Variants in FUT9 observed in about 807,000 individuals in gnomAD.
The protein encoded by FUT9 is fucosyltransferase 9.
Under a neutral mutation model 29.7 loss-of-function variants are expected in FUT9, and 15 were observed. That is an observed-to-expected ratio of 0.51 (90% CI 0.34 to 0.78). The LOEUF is 0.78. Among genes scored for constraint, FUT9 ranks in the 30% least tolerant of loss-of-function variants. The pLI is 0.01. For synonymous variants in FUT9, 169 were observed against 153.7 expected (o/e 1.10, Z -0.74); for missense variants, 319 against 425.4 (o/e 0.75, Z 2.20).
chr6:96,174,815 C>CT (rs34396924), intron 2 of FUT9, among the ~76,000 whole-genome samples: 23 of 152,230 alleles, frequency 1.5e-4, no homozygotes, highest in South Asian at 1.5e-3. Context: ...AACTCAAAGA[C>CT]TTTTTCAATA....
rs1413519210 is a variant in FUT9 at position 96,208,744 on chromosome 6, T to C, written c.*4509T>C. ...ATTCTATGCAAATATTAGTAACATA[T>C]CAACTGTTTCTAAAAGGAAAGAAAA... On this transcript the variant is annotated 3_prime_UTR_variant, in exon 3 of 3. Transcript: ENST00000302103. The C allele has an allele frequency of 6.0e-6, 1 of 166,804 alleles. No homozygotes were observed. Among genetic ancestry groups the C allele is most frequent in the Non-Finnish European group, 1.5e-5 (1 of 68,014 alleles). 10.3% of individuals were successfully genotyped at this position (166,804 alleles called of 1,614,324 possible). A position where few individuals can be genotyped will look rare whatever the true frequency, so the allele number is the denominator to read the frequency against.
intron 2 of FUT9, among the ~76,000 whole-genome samples, chr6:96,156,972 G>A (rs1222876564): frequency 4.6e-5 from 7 of 152,168 alleles, no homozygotes; most frequent in Non-Finnish European, 8.8e-5. Flanking sequence ...AGTTTGAAAT[G>A]TTCTTTTTCC....
intron 1 of FUT9, among the ~76,000 whole-genome samples, chr6:96,030,827 A>G (rs1219148261): frequency 6.6e-6 from 1 of 151,552 alleles, no homozygotes; most frequent in African/African-American, 2.4e-5. Flanking sequence ...CAGTGAAAAA[A>G]TACACTCAAA....
rs369997651 is a variant in FUT9 at position 96,169,016 on chromosome 6, G to T, written c.-8-34132G>T. Among the ~76,000 whole-genome samples, 105 of 152,248 alleles carry T rather than the reference G, an allele frequency of 6.9e-4. 2 individuals carry two copies. The South Asian group carries it at 0.021, about 31-fold the overall frequency. ...CAGAAGGGAGTAGAAGCATATATGT[G>T]GAATAAAAGTGGGTTGACGTTCTGT... is the stretch of plus-strand genomic sequence containing the variant. On this transcript the variant is annotated intron_variant, in intron 2 of 2. Coordinates refer to ENST00000302103, the MANE Select transcript of FUT9 (RefSeq NM_006581.4).
At chr6:96,047,644 C>T (rs182062400) in intron 1 of FUT9, among the ~76,000 whole-genome samples, 1 of 152,278 alleles carries the variant, frequency 6.6e-6, no homozygotes, top group East Asian at 1.9e-4. Context: ...CCTCACTCTC[C>T]TCCATCCTCC....
At chr6:96,068,044 C>G (rs1367121049) in intron 1 of FUT9, among the ~76,000 whole-genome samples, 1 of 152,008 alleles carries the variant, frequency 6.6e-6, no homozygotes, top group African/African-American at 2.4e-5. Flanking sequence ...TATGCATTAT[C>G]TGAATTAATG....
intron 1 of FUT9, among the ~76,000 whole-genome samples, chr6:96,110,901 G>T (rs1268008843): frequency 1.3e-5 from 2 of 151,754 alleles, no homozygotes; most frequent in African/African-American, 4.8e-5. Context: ...GCCCTTAAGA[G>T]GTCCTCCTGC....
At chr6:96,079,429 T>C (rs138172129) in intron 1 of FUT9, among the ~76,000 whole-genome samples, 3 of 152,338 alleles carry the variant, frequency 2.0e-5, no homozygotes, top group South Asian at 2.1e-4. Flanking sequence ...CCTGAAATTG[T>C]TGAAATCTTT....
chr6:96,049,746 T>C (rs1770631150), intron 1 of FUT9, among the ~76,000 whole-genome samples: 1 of 152,198 alleles, frequency 6.6e-6, no homozygotes, highest in Non-Finnish European at 1.5e-5. Context: ...ATTTCTTTTG[T>C]GTTTTGAGCA....
chr6:96,017,231 T>G (rs1364142935), intron 1 of FUT9, among the ~76,000 whole-genome samples: 1 of 152,148 alleles, frequency 6.6e-6, no homozygotes, highest in Non-Finnish European at 1.5e-5. Flanking sequence ...TTTCTTTAGG[T>G]GTAGTGGCTA....
intron 1 of FUT9, among the ~76,000 whole-genome samples, chr6:96,084,352 C>A (rs775915527): frequency 6.6e-6 from 1 of 151,976 alleles, no homozygotes; most frequent in African/African-American, 2.4e-5. Context: ...CTACAGAAAG[C>A]GCTCTAAGAA....
chr6:96,127,836 G>T (rs1483659530), intron 2 of FUT9, among the ~76,000 whole-genome samples: 1 of 152,060 alleles, frequency 6.6e-6, no homozygotes, highest in Non-Finnish European at 1.5e-5. Context: ...CTTTTGAAAA[G>T]TCTATGTTCA....
At chr6:96,122,995 G>T (rs1406342089) in intron 2 of FUT9, among the ~76,000 whole-genome samples, 1 of 130,156 alleles carries the variant, frequency 7.7e-6, no homozygotes, top group South Asian at 2.5e-4. Flanking sequence ...AGAAGGGGGA[G>T]CTTGCAGTGA....
At chr6:96,040,093 T>C (rs867133215) in intron 1 of FUT9, among the ~76,000 whole-genome samples, 1 of 152,194 alleles carries the variant, frequency 6.6e-6, no homozygotes. Flanking sequence ...TATGACATTA[T>C]ATAAAATTTT....
At chr6:96,065,863 T>C (rs149601719) in intron 1 of FUT9, among the ~76,000 whole-genome samples, 3 of 152,192 alleles carry the variant, frequency 2.0e-5, no homozygotes, top group Non-Finnish European at 2.9e-5. Context: ...AGGAATAGAT[T>C]GTTGTCGCAA....
At chr6:96,024,687 C>A (rs906560103) in intron 1 of FUT9, among the ~76,000 whole-genome samples, 1 of 151,744 alleles carries the variant, frequency 6.6e-6, no homozygotes, top group African/African-American at 2.4e-5. Context: ...TAAGTTCTCC[C>A]AGTTTCAGCA....
chr6:96,105,256 ACT>A (rs1771657018), intron 1 of FUT9, among the ~76,000 whole-genome samples: 1 of 152,204 alleles, frequency 6.6e-6, no homozygotes, highest in Admixed American at 6.5e-5. Flanking sequence ...ATTTTTAATA[ACT>A]CAGTTTATTT....
chr6:96,172,098 G>C (rs1451282262), intron 2 of FUT9, among the ~76,000 whole-genome samples: 1 of 152,080 alleles, frequency 6.6e-6, no homozygotes, highest in Non-Finnish European at 1.5e-5. Flanking sequence ...TTCTGGTGAA[G>C]GATCTCTTCT....
intron 1 of FUT9, among the ~76,000 whole-genome samples, chr6:96,065,670 G>A (rs1236917509): frequency 6.6e-6 from 1 of 151,992 alleles, no homozygotes; most frequent in Non-Finnish European, 1.5e-5. Flanking sequence ...TTCCTCCTTT[G>A]GGATATGTAT....
Sources: allele counts gnomAD v4.1 joint callset (sites outside exome capture counted in the v4.1 genomes callset), GRCh38; gene constraint gnomAD v4.1.1; transcripts MANE v1.5; gene names NCBI Gene and HGNC (gene_info 2026-07-23, HGNC 2026-07-21).